TSPAN17: variants seen among roughly 807,000 people sequenced by gnomAD.
The protein encoded by TSPAN17 is tetraspanin 17.
A neutral mutation model predicts 40.5 loss-of-function variants in TSPAN17; 33 were observed. The observed-to-expected ratio is 0.81, with a 90% CI of 0.62 to 1.09. TSPAN17 has a LOEUF of 1.09. Ranked by LOEUF, TSPAN17 falls within the 50% of genes least tolerant of loss-of-function variation. The pLI is 0.00. For synonymous variants in TSPAN17, 166 were observed against 169.4 expected (o/e 0.98, Z 0.15); for missense variants, 365 against 416.8 (o/e 0.88, Z 1.08).
Position 176,654,687 on chromosome 5 carries a change from G to T in TSPAN17, c.457-208G>T. 1.7e-6 allele frequency: 1 copy of T among 577,976 alleles called. No homozygotes were observed. The highest frequency in any genetic ancestry group is 3.0e-6 in the Non-Finnish European group (1 of 328,804). 35.8% of individuals were successfully genotyped at this position (577,976 alleles called of 1,614,324 possible). On this transcript the variant is annotated intron_variant, in intron 4 of 8. Coordinates refer to ENST00000508164, the MANE Select transcript of TSPAN17 (RefSeq NM_130465.5). The surrounding 1 kb of genome is among the most constrained non-coding windows in gnomAD (Gnocchi z 4.3). ...CCTCTCTTGGGTCGGGGAAGGGGGAGCTCAGTGTCCCCTCCCTTGCACCCC... is the reference window on the plus strand; with the variant it reads ...CCTCTCTTGGGTCGGGGAAGGGGGATCTCAGTGTCCCCTCCCTTGCACCCC...
In TSPAN17 at chr5:176,657,619, CT is replaced by C; in HGVS notation, c.912del (p.Gly305AlafsTer38). The C allele has an allele frequency of 6.2e-7, 1 of 1,613,602 alleles. No homozygotes were observed. The highest frequency in any genetic ancestry group is 8.5e-7 in the Non-Finnish European group (1 of 1,179,902). ...GPQQNSLTGA[P>X]GPAPPSRHVF... ...CAGCAGAACTCTCTGACTGGGGCCCCTGGCCCGGCCCCACCCAGCCGACATG... is the reference window on the plus strand; with the variant it reads ...CAGCAGAACTCTCTGACTGGGGCCCCGGCCCGGCCCCACCCAGCCGACATG... On this transcript the variant is annotated frameshift_variant, in exon 9 of 9. Transcript: ENST00000508164. LOFTEE classifies it low-confidence loss of function (END_TRUNC).
chr5:176,653,057 C>T (rs1478269364), intron 4 of TSPAN17, 144 bp downstream of exon 4: 1 of 813,020 alleles, frequency 1.2e-6, no homozygotes, highest in African/African-American at 1.7e-5. Flanking sequence ...GTGTCCTCGT[C>T]CGAGGAGAGC....
At position 176,654,009 on chromosome 5, in the gene TSPAN17, T is replaced by A. The variant is rs1228122282; in HGVS notation, c.457-886T>A. 1 of 151,812 alleles carries A rather than the reference T, an allele frequency of 6.6e-6. No homozygotes were observed. Among genetic ancestry groups the A allele is most frequent in the Non-Finnish European group, 1.5e-5 (1 of 67,978 alleles). 9.4% of individuals were successfully genotyped at this position (151,812 alleles called of 1,614,324 possible). The stretch of plus-strand genomic sequence containing the variant: ...TTGTGGTAAGAGTCAAAATGAAGGG[T>A]GGAGAATGGGAAGGCCTCTGCGTGG... On this transcript the variant is annotated intron_variant, in intron 4 of 8. Transcript: ENST00000508164. This position sits in a 1 kb window ranked among gnomAD's most constrained non-coding sequence, Gnocchi z 4.3.
rs1202487775 is a variant in TSPAN17, at chr5:176,651,174, G to A, written c.88-442G>A. On this transcript the variant is annotated intron_variant, in intron 1 of 8. Transcript: ENST00000508164. This position sits in a 1 kb window ranked among gnomAD's most constrained non-coding sequence, Gnocchi z 4.5. ...GGGGAGGAGTGTTGAGGGCGGGGCC[G>A]CAGTCACACGGCTTTAGGGTAGCAG... Among the ~76,000 whole-genome samples, 1 of 152,150 alleles carries A rather than the reference G, an allele frequency of 6.6e-6. No homozygotes were observed. Among genetic ancestry groups the A allele is most frequent in the Non-Finnish European group, 1.5e-5 (1 of 68,024 alleles).
intron 6 of TSPAN17, 46 bp downstream of exon 6, chr5:176,656,171 G>A: frequency 6.2e-7 from 1 of 1,605,132 alleles, no homozygotes; most frequent in Non-Finnish European, 8.5e-7. Flanking sequence ...CAGGGGTACT[G>A]GGTTGGGTAT....
In TSPAN17 at chr5:176,656,964, C is replaced by T. The variant is rs890505458; in HGVS notation, c.809+8C>T. 9 of 1,611,506 alleles carry T rather than the reference C, an allele frequency of 5.6e-6. No individual in the cohort carries two copies. Among genetic ancestry groups the T allele is most frequent in the Non-Finnish European group, 5.9e-6 (7 of 1,178,434 alleles). ...GGCAGTGAAAGCCAACTGGTGAGGC[C>T]GCCAGAGGCCATGGCCACATGCCTG... On this transcript the variant is annotated splice_region_variant and intron_variant, in intron 8 of 8. Transcript: ENST00000508164.
At position 176,650,199 on chromosome 5, in the gene TSPAN17, G is replaced by A. The variant is rs1262768002; in HGVS notation, c.88-1417G>A. 6.6e-6 allele frequency among the ~76,000 whole-genome samples: 1 copy of A among 152,142 alleles called. No homozygotes were observed. Among genetic ancestry groups the A allele is most frequent in the Non-Finnish European group, 1.5e-5 (1 of 68,022 alleles). ...ACGTAGGGGTGTGGGACCAGCATGAGGTCTGGGTGGGGATCGGGAGATGCC... is the reference window on the plus strand; with the variant it reads ...ACGTAGGGGTGTGGGACCAGCATGAAGTCTGGGTGGGGATCGGGAGATGCC... On this transcript the variant is annotated intron_variant, in intron 1 of 8. Transcript: ENST00000508164. This position sits in a 1 kb window ranked among gnomAD's most constrained non-coding sequence, Gnocchi z 4.0.
intron 6 of TSPAN17, 124 bp from the exon 7 acceptor site, chr5:176,656,576 A>G: frequency 1.1e-6 from 1 of 879,342 alleles, no homozygotes; most frequent in South Asian, 1.5e-5. Context: ...GGCTTTGTGG[A>G]GGGACTGTGG....
In TSPAN17 at chr5:176,654,671, G is replaced by A. The variant is rs1761084326; in HGVS notation, c.457-224G>A. On this transcript the variant is annotated intron_variant, in intron 4 of 8. Coordinates refer to ENST00000508164, the MANE Select transcript of TSPAN17 (RefSeq NM_130465.5). This position sits in a 1 kb window ranked among gnomAD's most constrained non-coding sequence, Gnocchi z 4.3. ...CCCTCCCTTTTTCTAGCCTCTCTTGGGTCGGGGAAGGGGGAGCTCAGTGTC... is the reference window on the plus strand; with the variant it reads ...CCCTCCCTTTTTCTAGCCTCTCTTGAGTCGGGGAAGGGGGAGCTCAGTGTC... The A allele has an allele frequency of 1.8e-6, 1 of 546,836 alleles. No individual in the cohort carries two copies. Among genetic ancestry groups the A allele is most frequent in the African/African-American group, 1.9e-5 (1 of 52,266 alleles). 33.9% of individuals were successfully genotyped at this position (546,836 alleles called of 1,614,324 possible).
rs1761235203 is a variant in TSPAN17, at chr5:176,658,277, T to C, written c.*579T>C. 6.6e-6 allele frequency: 1 copy of C among 152,344 alleles called. No individual in the cohort carries two copies. Among genetic ancestry groups the C allele is most frequent in the Admixed American group, 6.5e-5 (1 of 15,284 alleles). 9.4% of individuals were successfully genotyped at this position (152,344 alleles called of 1,614,324 possible). ...TCTAGTAGAGCCTGTGCCTGCCTAC[T>C]AGCGCTCTGGGGTTCGGAGAGTTTG... On this transcript the variant is annotated 3_prime_UTR_variant, in exon 9 of 9. Coordinates refer to ENST00000508164, the MANE Select transcript of TSPAN17 (RefSeq NM_130465.5).
chr5:176,657,147 G>A, intron 8 of TSPAN17, 191 bp downstream of exon 8: 1 of 661,522 alleles, frequency 1.5e-6, no homozygotes, highest in Non-Finnish European at 2.5e-6. Flanking sequence ...CTCCGCCTGG[G>A]CCTCTTGTCC....
At chr5:176,649,274 G>A (rs1045336539) in intron 1 of TSPAN17, among the ~76,000 whole-genome samples, 1 of 152,082 alleles carries the variant, frequency 6.6e-6, no homozygotes, top group Non-Finnish European at 1.5e-5. Context: ...GACTGGGCTG[G>A]GTCACTTGGG....
chr5:176,654,778 G>A lies in TSPAN17; in HGVS notation c.457-117G>A. 1 of 1,360,470 alleles carries A rather than the reference G, an allele frequency of 7.4e-7. No individual in the cohort carries two copies. 84.3% of individuals were successfully genotyped at this position (1,360,470 alleles called of 1,614,324 possible). On this transcript the variant is annotated intron_variant, in intron 4 of 8. Coordinates refer to ENST00000508164, the MANE Select transcript of TSPAN17 (RefSeq NM_130465.5). This position sits in a 1 kb window ranked among gnomAD's most constrained non-coding sequence, Gnocchi z 4.3. ...GGGTGGGGAGGTGGCCACCCACTTGGCTGTCCCAGCCCTGTCCCAGACAGC... is the reference window on the plus strand; with the variant it reads ...GGGTGGGGAGGTGGCCACCCACTTGACTGTCCCAGCCCTGTCCCAGACAGC...
intron 5 of TSPAN17, among the ~76,000 whole-genome samples, chr5:176,655,449 G>GCC (rs1761117754): frequency 1.3e-5 from 2 of 152,160 alleles, no homozygotes; most frequent in African/African-American, 4.8e-5. Flanking sequence ...AGGGAGTGGG[G>GCC]ACCTCTGTCC....
rs752649849 is a variant in TSPAN17, at chr5:176,650,007, G to A, written c.88-1609G>A. ...CGTCGCCCCGCTCGATATTTGTTAA[G>A]GGGTCTGTTTGCATCTGAGGTTTCC... On this transcript the variant is annotated intron_variant, in intron 1 of 8. Coordinates refer to ENST00000508164, the MANE Select transcript of TSPAN17 (RefSeq NM_130465.5). The surrounding 1 kb of genome is among the most constrained non-coding windows in gnomAD (Gnocchi z 4.0). 1.3e-5 allele frequency among the ~76,000 whole-genome samples: 2 copies of A among 152,204 alleles called. No individual in the cohort carries two copies. Among genetic ancestry groups the A allele is most frequent in the Non-Finnish European group, 2.9e-5 (2 of 68,022 alleles).
chr5:176,648,828 C>T (rs12522169), intron 1 of TSPAN17, among the ~76,000 whole-genome samples: 70,498 of 151,960 alleles, frequency 0.46, 18,512 homozygotes, highest in Non-Finnish European at 0.59. Context: ...TGTATTCTCA[C>T]AACTGCCTTA....
intron 5 of TSPAN17, 86 bp downstream of exon 5, chr5:176,655,106 G>T (rs1329281923): frequency 1.4e-6 from 2 of 1,472,368 alleles, no homozygotes; most frequent in South Asian, 1.3e-5. Flanking sequence ...GCTCCGCTCT[G>T]CCCTGCTCTG....
At chr5:176,653,784 G>A (rs1266276567) in intron 4 of TSPAN17, 1 of 152,250 alleles carries the variant, frequency 6.6e-6, no homozygotes, top group Non-Finnish European at 1.5e-5. Flanking sequence ...AGGCAGTTAT[G>A]ATGCAGTTCA....
In TSPAN17 at chr5:176,651,931, C is replaced by T. The variant is rs746076978; in HGVS notation, c.285+31C>T. The T allele has an allele frequency of 6.2e-7, 1 of 1,611,894 alleles. No individual in the cohort carries two copies. The highest frequency in any genetic ancestry group is 1.3e-5 in the African/African-American group (1 of 74,892). On this transcript the variant is annotated intron_variant, in intron 3 of 8. Coordinates refer to ENST00000508164, the MANE Select transcript of TSPAN17 (RefSeq NM_130465.5). This position sits in a 1 kb window ranked among gnomAD's most constrained non-coding sequence, Gnocchi z 4.5. ...TGCTGCCCTCAAGATCCCCTGGGAA[C>T]CCCCATCTCCTCCCATCCAGTTCTT...
Sources: allele counts gnomAD v4.1 joint callset (sites outside exome capture counted in the v4.1 genomes callset), GRCh38; gene constraint gnomAD v4.1.1; non-coding constraint Gnocchi (gnomAD v3.1); transcripts MANE v1.5; gene names NCBI Gene and HGNC (gene_info 2026-07-23, HGNC 2026-07-21).